The following C9orf85 variants were observed in gnomAD, a reference collection of about 807,000 sequenced individuals.
C9orf85 encodes the protein chromosome 9 open reading frame 85.
A neutral mutation model predicts 14.9 loss-of-function variants in C9orf85; 16 were observed. The ratio of observed to expected loss-of-function variants is 1.08; its 90% CI spans 0.73 to 1.63. The LOEUF (loss-of-function observed/expected upper bound fraction) is 1.63. Ranked by LOEUF, C9orf85 falls within the 40% of genes most tolerant of loss-of-function variation. The pLI is 0.00. For synonymous variants in C9orf85, 45 were observed against 56.8 expected (o/e 0.79, Z 0.93); for missense variants, 172 against 186.1 (o/e 0.92, Z 0.44).
Position 71,911,807 on chromosome 9 carries a change from G to T in C9orf85, c.73G>T (p.Asp25Tyr). ...CCAGAATACGTTTAGCTTCAAAAAT[G>T]ACAAGTTCGATAAAAGTGTGCAGAC... ...KHQNTFSFKN[D>Y]KFDKSVQTKK... is the part of the protein sequence containing the mutation. Residue 25 changes from aspartate to tyrosine, a missense_variant, in exon 1 of 4, where the codon GAC (aspartate) becomes TAC (tyrosine). Physicochemically the swap from Asp to Tyr is radical, Grantham distance 160. Coordinates refer to ENST00000334731, the MANE Select transcript of C9orf85 (RefSeq NM_182505.5). 6.2e-7 allele frequency: 1 copy of T among 1,614,126 alleles called. No homozygotes were observed. Among genetic ancestry groups the T allele is most frequent in the South Asian group, 1.1e-5 (1 of 91,066 alleles).
chr9:71,926,791 A>G (rs1167117998), intron 1 of C9orf85, among the ~76,000 whole-genome samples: 1 of 152,140 alleles, frequency 6.6e-6, no homozygotes, highest in Admixed American at 6.5e-5. Context: ...TCTAAAACCT[A>G]GTCAAAAAGG....
intron 3 of C9orf85, among the ~76,000 whole-genome samples, chr9:71,980,481 A>G (rs1035796151): frequency 6.6e-6 from 1 of 152,128 alleles, no homozygotes; most frequent in Non-Finnish European, 1.5e-5. Flanking sequence ...ACAGGACAAA[A>G]CTGACATCCC....
chr9:71,953,220 T>TA lies in C9orf85; in HGVS notation c.209+6109dup, dbSNP rs546563131. Among the ~76,000 whole-genome samples the TA allele has an allele frequency of 2.3e-4, 35 of 152,270 alleles. No homozygotes were observed. The South Asian group carries it at 7.2e-3, about 32-fold the overall frequency. ...GAAGCCTTGCTCTGTACCGAATAGATAGATACTCACAAAGCCAAGGCACTG... is the reference window on the plus strand; with the variant it reads ...GAAGCCTTGCTCTGTACCGAATAGATAAGATACTCACAAAGCCAAGGCACTG... On this transcript the variant is annotated intron_variant, in intron 2 of 3. Coordinates refer to ENST00000334731, the MANE Select transcript of C9orf85 (RefSeq NM_182505.5).
chr9:71,961,155 GC>G (rs1822510295), intron 2 of C9orf85, among the ~76,000 whole-genome samples: 1 of 151,880 alleles, frequency 6.6e-6, no homozygotes, highest in Admixed American at 6.6e-5. Context: ...CAGGTGATCC[GC>G]CCACCTCGGT....
At chr9:71,965,209 C>G (rs904357734) in intron 2 of C9orf85, among the ~76,000 whole-genome samples, 1 of 152,160 alleles carries the variant, frequency 6.6e-6, no homozygotes, top group African/African-American at 2.4e-5. Context: ...GTTTATATCC[C>G]AATTATTGTC....
intron 3 of C9orf85, among the ~76,000 whole-genome samples, chr9:71,979,612 T>C (rs1823060503): frequency 6.6e-6 from 1 of 152,232 alleles, no homozygotes; most frequent in Non-Finnish European, 1.5e-5. Context: ...TTAATACTTG[T>C]TGAGTTATAG....
In C9orf85 at chr9:71,971,382, T is replaced by C. The variant is rs1822857815; in HGVS notation, c.210-123T>C. ...TTTAGAGTGACATAAGATAAACACCTGAAATTGAAACCTAGGAATTTTGAT... is the reference window on the plus strand; with the variant it reads ...TTTAGAGTGACATAAGATAAACACCCGAAATTGAAACCTAGGAATTTTGAT... On this transcript the variant is annotated intron_variant, in intron 2 of 3. Transcript: ENST00000334731. 6.0e-6 allele frequency: 3 copies of C among 502,316 alleles called. No homozygotes were observed. The South Asian group carries it at 1.1e-4, about 19-fold the overall frequency. The allele number at this position is 502,316 out of a possible 1,614,324, so 31.1% of individuals were successfully genotyped here.
In C9orf85 at chr9:71,979,234, T is replaced by C. The variant is rs190932136; in HGVS notation, c.324-3423T>C. On this transcript the variant is annotated intron_variant, in intron 3 of 3. Coordinates refer to the C9orf85 transcript ENST00000377031. ...GGCAGAATGATCTGAATCTCACCGC[T>C]GTGACACTGTTCTCATTTCTTTACC... Among the ~76,000 whole-genome samples the C allele has an allele frequency of 5.3e-5, 8 of 152,326 alleles. No individual in the cohort carries two copies. The East Asian group carries it at 1.5e-3, about 29-fold the overall frequency.
At chr9:71,968,099 T>TAGAGAGAGAG (rs140604366) in intron 2 of C9orf85, among the ~76,000 whole-genome samples, 139 of 130,518 alleles carry the variant, frequency 1.1e-3, no homozygotes, top group Non-Finnish European at 1.6e-3. Context: ...TATATATATA[T>TAGAGAGAGAG]ATAGAGAGAG....
chr9:71,931,661 T>TG (rs1336940304), intron 1 of C9orf85, among the ~76,000 whole-genome samples: 1 of 152,156 alleles, frequency 6.6e-6, no homozygotes, highest in African/African-American at 2.4e-5. Flanking sequence ...TCTTCCTATA[T>TG]AAGATAGGAA....
At position 71,972,829 on chromosome 9, in the gene C9orf85, A is replaced by T; in HGVS notation, c.461A>T (p.His154Leu). The T allele has an allele frequency of 1.2e-6, 2 of 1,607,162 alleles. No homozygotes were observed. Among genetic ancestry groups the T allele is most frequent in the Non-Finnish European group, 1.7e-6 (2 of 1,177,472 alleles). Residue 154 changes from histidine to leucine, a missense_variant, in exon 4 of 4, where the codon CAT becomes CTT. Transcript: ENST00000334731. ...GATTTAGAAGACACAGGAGGAGACC[A>T]TCAAATGAATTAATATCACTGTATT... The part of the protein sequence containing the change: ...DIDLEDTGGD[H>L]QMN
downstream of C9orf85, among the ~76,000 whole-genome samples, chr9:71,978,044 A>G (rs1223593630): frequency 6.6e-6 from 1 of 152,240 alleles, no homozygotes; most frequent in Non-Finnish European, 1.5e-5. Flanking sequence ...AGCAATGTTA[A>G]TTTGAAGTAT....
chr9:71,917,308 A>G (rs959696862), intron 1 of C9orf85, among the ~76,000 whole-genome samples: 3 of 152,200 alleles, frequency 2.0e-5, no homozygotes, highest in Non-Finnish European at 4.4e-5. Context: ...GGAGTATCAC[A>G]TGCCATACAT....
chr9:71,980,284 G>C (rs1823075046), intron 3 of C9orf85, among the ~76,000 whole-genome samples: 1 of 152,138 alleles, frequency 6.6e-6, no homozygotes, highest in African/African-American at 2.4e-5. Flanking sequence ...AAAGTGCTGG[G>C]ATTACAGGTG....
intron 1 of C9orf85, among the ~76,000 whole-genome samples, chr9:71,915,705 T>C (rs1359700769): frequency 6.6e-6 from 1 of 152,216 alleles, no homozygotes; most frequent in Non-Finnish European, 1.5e-5. Flanking sequence ...GTTAACACTT[T>C]GATGTGTACA....
chr9:71,955,922 A>C (rs1822369284), intron 2 of C9orf85, among the ~76,000 whole-genome samples: 1 of 152,156 alleles, frequency 6.6e-6, no homozygotes, highest in African/African-American at 2.4e-5. Context: ...TTAAATGGCT[A>C]ATTTTTATAG....
chr9:71,964,015 G>A (rs1282659524), intron 2 of C9orf85, among the ~76,000 whole-genome samples: 1 of 152,206 alleles, frequency 6.6e-6, no homozygotes, highest in African/African-American at 2.4e-5. Flanking sequence ...GTCTGGTGGG[G>A]ACGTGGAGAA....
intron 3 of C9orf85, among the ~76,000 whole-genome samples, chr9:71,982,468 A>G (rs1823113587): frequency 1.3e-5 from 2 of 152,086 alleles, no homozygotes; most frequent in South Asian, 2.1e-4. Context: ...GGAACCACCA[A>G]ACTTGTGGTA....
At chr9:71,915,617 A>G (rs1323527462) in intron 1 of C9orf85, among the ~76,000 whole-genome samples, 4 of 152,264 alleles carry the variant, frequency 2.6e-5, no homozygotes, top group Non-Finnish European at 4.4e-5. Flanking sequence ...ATACTGAAAC[A>G]ATAGAGAAGT....
Sources: allele counts gnomAD v4.1 joint callset (sites outside exome capture counted in the v4.1 genomes callset), GRCh38; gene constraint gnomAD v4.1.1; transcripts MANE v1.5; gene names NCBI Gene and HGNC (gene_info 2026-07-23, HGNC 2026-07-21).